ARHGAP26: variants seen among roughly 807,000 people sequenced by gnomAD.
ARHGAP26 encodes rho GTPase-activating protein 26.
ARHGAP26 carries 38 observed loss-of-function variants against 104.8 expected under a neutral mutation model. The ratio of observed to expected loss-of-function variants is 0.36; its 90% CI spans 0.28 to 0.48. ARHGAP26 has a LOEUF of 0.48. Ranked by LOEUF, ARHGAP26 falls within the 20% of genes least tolerant of loss-of-function variation. The probability of loss-of-function intolerance (pLI) is 0.99; values close to 1 mark genes in which losing one functional copy is unlikely to be tolerated. For missense variants in ARHGAP26, 704 were observed against 947.9 expected (o/e 0.74, Z 3.38); for synonymous variants, 341 against 340.0 (o/e 1.00, Z -0.03).
chr5:143,159,922 G>A (rs1399295025), intron 20 of ARHGAP26, among the ~76,000 whole-genome samples: 1 of 98,608 alleles, frequency 1.0e-5, no homozygotes, highest in East Asian at 4.0e-4. Flanking sequence ...TTGTGGTATG[G>A]GATTTTTTTT....
chr5:142,810,526 G>A (rs1763870764), intron 1 of ARHGAP26, among the ~76,000 whole-genome samples: 1 of 151,924 alleles, frequency 6.6e-6, no homozygotes, highest in South Asian at 2.1e-4. Flanking sequence ...ATTTATTAAG[G>A]GATTTTGATA....
At chr5:143,025,075 G>T (rs565859202) in intron 12 of ARHGAP26, among the ~76,000 whole-genome samples, 1 of 152,064 alleles carries the variant, frequency 6.6e-6, no homozygotes, top group Non-Finnish European at 1.5e-5. Context: ...TAAATGTTGC[G>T]CTTTATTCTT....
At chr5:143,076,708 G>A (rs1053951381) in intron 17 of ARHGAP26, among the ~76,000 whole-genome samples, 9 of 152,094 alleles carry the variant, frequency 5.9e-5, no homozygotes, top group African/African-American at 1.2e-4. Flanking sequence ...AAATATAGAC[G>A]TCTGGTATTT....
At chr5:143,019,034 G>A (rs1205121424) in intron 12 of ARHGAP26, among the ~76,000 whole-genome samples, 1 of 152,116 alleles carries the variant, frequency 6.6e-6, no homozygotes, top group African/African-American at 2.4e-5. Context: ...TAGAGATCGT[G>A]TGTGCTCCTG....
intron 20 of ARHGAP26, among the ~76,000 whole-genome samples, chr5:143,157,393 G>A (rs1025074706): frequency 6.6e-6 from 1 of 152,004 alleles, no homozygotes; most frequent in African/African-American, 2.4e-5. Context: ...GGCCAGGCTG[G>A]TCTTGAACTC....
intron 1 of ARHGAP26, 61 bp from the exon 2 acceptor site, chr5:142,873,339 C>T (rs1755613856): frequency 7.5e-7 from 1 of 1,325,670 alleles, no homozygotes; most frequent in East Asian, 2.4e-5. Context: ...ATAAGGGCAG[C>T]AAATCAGAAA....
At chr5:142,877,673 C>T (rs1196348359) in intron 3 of ARHGAP26, among the ~76,000 whole-genome samples, 3 of 152,148 alleles carry the variant, frequency 2.0e-5, no homozygotes, top group Middle Eastern at 3.2e-3. Context: ...GTTTTATAAG[C>T]GACTACTTAT....
chr5:142,971,825 C>T (rs1369265827), intron 11 of ARHGAP26, among the ~76,000 whole-genome samples: 1 of 152,130 alleles, frequency 6.6e-6, no homozygotes, highest in Non-Finnish European at 1.5e-5. Flanking sequence ...CAGAGAAAGA[C>T]AAGAGGAAGC....
intron 1 of ARHGAP26, among the ~76,000 whole-genome samples, chr5:142,776,184 G>C (rs1756278823): frequency 6.6e-6 from 1 of 151,990 alleles, no homozygotes. Flanking sequence ...TGTTGCCCAG[G>C]CTGGTCTCGA....
At chr5:142,963,187 T>TATATATATACAC (rs1770638926) in intron 11 of ARHGAP26, among the ~76,000 whole-genome samples, 1 of 96,202 alleles carries the variant, frequency 1.0e-5, no homozygotes, top group African/African-American at 5.7e-5. Context: ...TATATATATA[T>TATATATATACAC]ATATATATAT....
intron 11 of ARHGAP26, among the ~76,000 whole-genome samples, chr5:142,963,235 TACC>T (rs1232757349): frequency 6.8e-6 from 1 of 147,276 alleles, no homozygotes; most frequent in East Asian, 2.0e-4. Context: ...TGTGTGTGTG[TACC>T]ACATTTTCTT....
chr5:142,991,936 A>G (rs1189649874), intron 11 of ARHGAP26, among the ~76,000 whole-genome samples: 1 of 152,212 alleles, frequency 6.6e-6, no homozygotes, highest in Admixed American at 6.5e-5. Flanking sequence ...TTATACTTCC[A>G]TGAGTTGCAT....
intron 1 of ARHGAP26, among the ~76,000 whole-genome samples, chr5:142,789,926 A>G (rs1448528793): frequency 6.6e-6 from 1 of 152,206 alleles, no homozygotes; most frequent in Admixed American, 6.5e-5. Flanking sequence ...AACAACCCAC[A>G]TAAGAAGCCG....
intron 1 of ARHGAP26, among the ~76,000 whole-genome samples, chr5:142,858,996 C>G (rs1752867414): frequency 6.6e-6 from 1 of 152,000 alleles, no homozygotes; most frequent in Non-Finnish European, 1.5e-5. Flanking sequence ...GCCAGTGGGG[C>G]TGGGTATGGA....
At chr5:142,890,731 T>C (rs1758539634) in intron 5 of ARHGAP26, among the ~76,000 whole-genome samples, 1 of 152,044 alleles carries the variant, frequency 6.6e-6, no homozygotes, top group Admixed American at 6.5e-5. Flanking sequence ...ACCACCGACA[T>C]GCACGGGACA....
intron 17 of ARHGAP26, among the ~76,000 whole-genome samples, chr5:143,099,543 C>G (rs965653935): frequency 6.6e-6 from 1 of 152,204 alleles, no homozygotes; most frequent in Non-Finnish European, 1.5e-5. Context: ...ATTTTTCTAT[C>G]TCAGCCTGGC....
intron 17 of ARHGAP26, among the ~76,000 whole-genome samples, chr5:143,067,971 C>A (rs1254591526): frequency 6.6e-6 from 1 of 152,142 alleles, no homozygotes; most frequent in African/African-American, 2.4e-5. Flanking sequence ...CGAGACCAGC[C>A]TGGCCAACAT....
chr5:143,028,540 G>A (rs1781399804), intron 12 of ARHGAP26, among the ~76,000 whole-genome samples: 1 of 152,150 alleles, frequency 6.6e-6, no homozygotes, highest in South Asian at 2.1e-4. Flanking sequence ...TTAGGATATA[G>A]TAACATTCTA....
chr5:143,158,992 A>T (rs536035040), intron 20 of ARHGAP26, among the ~76,000 whole-genome samples: 1 of 152,346 alleles, frequency 6.6e-6, no homozygotes, highest in East Asian at 1.9e-4. Context: ...TATTAACAAA[A>T]GAGTTGGTGC....
Sources: allele counts gnomAD v4.1 joint callset (sites outside exome capture counted in the v4.1 genomes callset), GRCh38; gene constraint gnomAD v4.1.1; transcripts MANE v1.5; gene names NCBI Gene and HGNC (gene_info 2026-07-23, HGNC 2026-07-21).